Variants in AGBL1 observed in about 807,000 individuals in gnomAD.
AGBL1 encodes the protein AGBL carboxypeptidase 1.
Under a neutral mutation model 118.9 loss-of-function variants are expected in AGBL1, and 130 were observed. That is an observed-to-expected ratio of 1.09 (90% CI 0.95 to 1.26). AGBL1 has a LOEUF of 1.26. Among genes scored for constraint, AGBL1 ranks in the 50% most tolerant of loss-of-function variants. AGBL1 has a pLI of 0.00. For synonymous variants in AGBL1, 555 were observed against 478.9 expected (o/e 1.16, Z -2.08); for missense variants, 1,584 against 1,298.1 (o/e 1.22, Z -3.38).
chr15:86,794,570 T>A (rs1489640546), intron 22 of AGBL1, among the ~76,000 whole-genome samples: 1 of 152,178 alleles, frequency 6.6e-6, no homozygotes, highest in Non-Finnish European at 1.5e-5. Context: ...AGCTACTGAA[T>A]TGTACACAGT....
intron 5 of AGBL1, among the ~76,000 whole-genome samples, chr15:86,212,494 A>T (rs1478077717): frequency 2.0e-5 from 3 of 152,162 alleles, no homozygotes; most frequent in Non-Finnish European, 4.4e-5. Flanking sequence ...AATGAGAGAA[A>T]TTCCCTTTCA....
rs147379786 is a variant in AGBL1 at position 86,167,312 on chromosome 15, C to T, written c.488+8286C>T. Among the ~76,000 whole-genome samples, 430 of 151,314 alleles carry T rather than the reference C, an allele frequency of 2.8e-3. 1 individual carries two copies. The highest frequency in any genetic ancestry group is 6.8e-3 in the Middle Eastern group (2 of 294). On this transcript the variant is annotated intron_variant, in intron 5 of 22. Coordinates refer to ENST00000614907, the MANE Select transcript of AGBL1 (RefSeq NM_001386094.1). ...CCAGGCTGGAGTGCAGTGGCCTGAT[C>T]CTGGCTCGCTGCAACCTCCACCTCC... is the stretch of plus-strand genomic sequence containing the variant.
rs1346324437 is a variant in AGBL1 at position 87,002,956 on chromosome 15, T to TG, written c.3323+14868_3323+14869insG. Among the ~76,000 whole-genome samples the TG allele has an allele frequency of 2.0e-5, 3 of 151,976 alleles. No individual in the cohort carries two copies. In the East Asian group the frequency reaches 5.8e-4, roughly 29 times the overall value. Reference sequence around the variant, plus strand: ...CAATTTGACTTCCTCTTTTCCTAATTAATACCCTTTATTTCTTTCCCCTGA... The same window carrying TG: ...CAATTTGACTTCCTCTTTTCCTAATTGAATACCCTTTATTTCTTTCCCCTGA... On this transcript the variant is annotated intron_variant, in intron 24 of 24. Transcript: ENST00000441037.
At chr15:86,933,854 G>A (rs1358905383) in intron 23 of AGBL1, among the ~76,000 whole-genome samples, 1 of 152,122 alleles carries the variant, frequency 6.6e-6, no homozygotes, top group African/African-American at 2.4e-5. Flanking sequence ...TGCCACTTTG[G>A]GAAAAACAAC....
intron 20 of AGBL1, among the ~76,000 whole-genome samples, chr15:86,546,352 CCT>C (rs1221049262): frequency 1.3e-5 from 2 of 151,924 alleles, no homozygotes; most frequent in Non-Finnish European, 2.9e-5. Flanking sequence ...TTGCTTTGCC[CCT>C]GTTTTCTATG....
intron 18 of AGBL1, among the ~76,000 whole-genome samples, chr15:86,464,802 G>T (rs529816667): frequency 1.3e-5 from 2 of 152,126 alleles, no homozygotes; most frequent in Non-Finnish European, 2.9e-5. Flanking sequence ...ATTTGATTGT[G>T]ATGGATAAGC....
At chr15:86,993,659 C>T (rs2081353211) in intron 24 of AGBL1, among the ~76,000 whole-genome samples, 1 of 152,060 alleles carries the variant, frequency 6.6e-6, no homozygotes, top group Admixed American at 6.6e-5. Flanking sequence ...GCTATGTGAA[C>T]TTTTCTTTAT....
intron 16 of AGBL1, among the ~76,000 whole-genome samples, chr15:86,291,782 T>C (rs1290118426): frequency 1.3e-5 from 2 of 152,148 alleles, no homozygotes; most frequent in South Asian, 2.1e-4. Flanking sequence ...TATGTGTAGT[T>C]AGTCATCTTG....
intron 22 of AGBL1, among the ~76,000 whole-genome samples, chr15:86,693,068 C>T (rs1239169743): frequency 6.6e-6 from 1 of 152,066 alleles, no homozygotes; most frequent in Non-Finnish European, 1.5e-5. Flanking sequence ...CTGCTATAGA[C>T]AGGCATGTGC....
intron 22 of AGBL1, among the ~76,000 whole-genome samples, chr15:86,739,712 A>G (rs928256505): frequency 1.3e-5 from 2 of 152,160 alleles, no homozygotes; most frequent in African/African-American, 4.8e-5. Flanking sequence ...GGCAGCAACT[A>G]TCATTATTAC....
chr15:86,088,829 C>T (rs549571186), intron 1 of AGBL1, among the ~76,000 whole-genome samples: 40 of 152,242 alleles, frequency 2.6e-4, no homozygotes, highest in Middle Eastern at 3.4e-3. Flanking sequence ...AATTAGCTAC[C>T]GGGTCACTGT....
chr15:86,352,481 CT>C (rs543883282), intron 17 of AGBL1, among the ~76,000 whole-genome samples: 2,524 of 143,122 alleles, frequency 0.018, 58 homozygotes, highest in African/African-American at 0.057. Flanking sequence ...TTTTCCTTTA[CT>C]TTTTTTTTTT....
At chr15:86,372,513 T>C (rs373241529) in intron 17 of AGBL1, among the ~76,000 whole-genome samples, 4 of 152,388 alleles carry the variant, frequency 2.6e-5, no homozygotes, top group African/African-American at 9.6e-5. Context: ...TCTGTCTTTT[T>C]ACCTGCCACT....
chr15:86,478,815 C>T (rs562053237), intron 18 of AGBL1, among the ~76,000 whole-genome samples: 1 of 152,332 alleles, frequency 6.6e-6, no homozygotes, highest in South Asian at 2.1e-4. Context: ...AGGCATCTCA[C>T]TACCTGACTT....
At chr15:86,696,571 A>G (rs1222042582) in intron 22 of AGBL1, among the ~76,000 whole-genome samples, 3 of 151,932 alleles carry the variant, frequency 2.0e-5, no homozygotes. Flanking sequence ...TAAGTGAAAC[A>G]TTTAGGCCAT....
At chr15:86,297,863 T>C (rs1434965796) in intron 17 of AGBL1, among the ~76,000 whole-genome samples, 1 of 152,134 alleles carries the variant, frequency 6.6e-6, no homozygotes, top group Non-Finnish European at 1.5e-5. Flanking sequence ...TCCTTTGTTA[T>C]AACACATGTT....
At chr15:86,657,943 G>C (rs2085486955) in intron 21 of AGBL1, among the ~76,000 whole-genome samples, 1 of 151,962 alleles carries the variant, frequency 6.6e-6, no homozygotes, top group Admixed American at 6.6e-5. Context: ...TGAGAATACA[G>C]AGATAAGATG....
intron 6 of AGBL1, among the ~76,000 whole-genome samples, chr15:86,241,761 G>C (rs975587410): frequency 1.3e-5 from 2 of 152,144 alleles, no homozygotes; most frequent in African/African-American, 4.8e-5. Flanking sequence ...AACTTTGGAG[G>C]GGACATGTTC....
intron 17 of AGBL1, chr15:86,297,094 A>G (rs1410791235): frequency 6.6e-6 from 1 of 152,182 alleles, no homozygotes; most frequent in East Asian, 1.9e-4. Context: ...AAAGAGAGAG[A>G]AAGAGAAAAA....
Sources: allele counts gnomAD v4.1 joint callset (sites outside exome capture counted in the v4.1 genomes callset), GRCh38; gene constraint gnomAD v4.1.1; transcripts MANE v1.5; gene names NCBI Gene and HGNC (gene_info 2026-07-23, HGNC 2026-07-21).